KIF11: variants seen among roughly 807,000 people sequenced by gnomAD.
KIF11 encodes kinesin-like protein KIF11.
In KIF11, 9 loss-of-function variants were observed where a neutral mutation model predicts 121.0. The observed-to-expected ratio is 0.07, with a 90% CI of 0.04 to 0.13. The LOEUF (loss-of-function observed/expected upper bound fraction) is 0.13. KIF11 is among the 10% of genes least tolerant of loss of function. The pLI, the probability that KIF11 is intolerant of heterozygous loss-of-function variation, is 1.00. For missense variants in KIF11, 846 were observed against 1,217.5 expected, an observed-to-expected ratio of 0.69 and a Z score of 4.54; for synonymous variants, 408 against 421.0, an observed-to-expected ratio of 0.97 and a Z score of 0.38.
intron 1 of KIF11, among the ~76,000 whole-genome samples, chr10:92,601,795 C>G (rs1401412234): frequency 6.6e-6 from 1 of 151,524 alleles, no homozygotes; most frequent in East Asian, 1.9e-4. Flanking sequence ...TCTACTCTTA[C>G]CCTCCCATAG....
At position 92,606,731 on chromosome 10, in the gene KIF11, G is replaced by GT. The variant is rs1844434779; in HGVS notation, c.308+21dup. On this transcript the variant is annotated intron_variant, in intron 3 of 21. Coordinates refer to ENST00000260731, the MANE Select transcript of KIF11 (RefSeq NM_004523.4). ...ACTATCTTTGCGTAAGTAAAAGGGT[G>GT]TTTTTTCTGATTTATGAAAAAGCTT... 1 of 1,192,434 alleles carries GT rather than the reference G, an allele frequency of 8.4e-7. No individual in the cohort carries two copies. Among genetic ancestry groups the GT allele is most frequent in the Non-Finnish European group, 1.2e-6 (1 of 810,016 alleles). 73.9% of individuals were successfully genotyped at this position (1,192,434 alleles called of 1,614,324 possible).
Position 92,639,957 on chromosome 10 carries a change from G to C in KIF11, c.2267+57G>C. On this transcript the variant is annotated intron_variant, in intron 17 of 21. Coordinates refer to ENST00000260731, the MANE Select transcript of KIF11 (RefSeq NM_004523.4). ...CTGTAAGTCTGAAATTATTTAAGAA[G>C]AAAAAGCTTTAAATAGTACAAATAA... 4 of 931,036 alleles carry C rather than the reference G, an allele frequency of 4.3e-6. No homozygotes were observed. The South Asian group carries it at 5.8e-5, about 14-fold the overall frequency. 57.7% of individuals were successfully genotyped at this position (931,036 alleles called of 1,614,324 possible).
chr10:92,596,837 T>G (rs1257645471), intron 1 of KIF11: 1 of 167,902 alleles, frequency 6.0e-6, no homozygotes, highest in African/African-American at 2.4e-5. Context: ...TACCGTGTGG[T>G]CTTTTCCTTT....
In KIF11 at chr10:92,653,803, T is replaced by G; in HGVS notation, c.*7T>G. The G allele has an allele frequency of 6.3e-7, 1 of 1,598,460 alleles. No homozygotes were observed. ...AGCCCAGATCAACCTTTAATTCACT[T>G]GGGGGTTGGCAATTTTATTTTTAAA... On this transcript the variant is annotated 3_prime_UTR_variant, in exon 22 of 22. Coordinates refer to ENST00000260731, the MANE Select transcript of KIF11 (RefSeq NM_004523.4).
intron 9 of KIF11, among the ~76,000 whole-genome samples, chr10:92,617,674 G>A (rs988734789): frequency 6.6e-6 from 1 of 151,774 alleles, no homozygotes; most frequent in East Asian, 1.9e-4. Flanking sequence ...TGTTATGGTC[G>A]GTCTTTTTAA....
At chr10:92,624,184 G>T (rs1248212576) in intron 10 of KIF11, among the ~76,000 whole-genome samples, 1 of 150,634 alleles carries the variant, frequency 6.6e-6, no homozygotes, top group East Asian at 1.9e-4. Flanking sequence ...TAGGACAATG[G>T]CATCCAGCTC....
intron 2 of KIF11, 95 bp downstream of exon 2, chr10:92,606,492 A>G: frequency 4.8e-6 from 6 of 1,248,336 alleles, no homozygotes; most frequent in Admixed American, 2.6e-5. Flanking sequence ...TAGAAATTTC[A>G]GTTGTCTCTG....
chr10:92,600,891 C>T (rs546128262), intron 1 of KIF11, among the ~76,000 whole-genome samples: 1 of 152,018 alleles, frequency 6.6e-6, no homozygotes, highest in Admixed American at 6.6e-5. Flanking sequence ...GATGGAGTCT[C>T]GCTCTGTCGC....
intron 17 of KIF11, 139 bp downstream of exon 17, chr10:92,640,039 A>T: frequency 2.0e-6 from 1 of 494,746 alleles, no homozygotes; most frequent in South Asian, 2.8e-5. Flanking sequence ...GTATGTGTGT[A>T]TGTATATATA....
intron 13 of KIF11, 74 bp from the exon 14 acceptor site, chr10:92,633,546 ACTT>A (rs1844761294): frequency 9.4e-7 from 1 of 1,062,546 alleles, no homozygotes. Context: ...ACTTTTGTCA[ACTT>A]CTTTGAAATG....
chr10:92,647,033 G>A (rs1589607486), intron 18 of KIF11, among the ~76,000 whole-genome samples: 1 of 152,110 alleles, frequency 6.6e-6, no homozygotes, highest in East Asian at 1.9e-4. Flanking sequence ...TAATTAATAG[G>A]CTAACCATAC....
At chr10:92,593,983 T>C (rs1844263320) in intron 1 of KIF11, among the ~76,000 whole-genome samples, 3 of 152,308 alleles carry the variant, frequency 2.0e-5, no homozygotes, top group South Asian at 4.1e-4. Context: ...GTGCTGCAGT[T>C]TTCCCTTTCA....
In KIF11 at chr10:92,609,289, AGAGAGAGAGAGAGAGTGTGT is replaced by A. The variant is rs1315330874; in HGVS notation, c.573+86_574-75del. On this transcript the variant is annotated intron_variant, in intron 5 of 21. Coordinates refer to ENST00000260731, the MANE Select transcript of KIF11 (RefSeq NM_004523.4). ...GTCAGAGAGAGAGAGAGAGAGAGAG[AGAGAGAGAGAGAGAGTGTGT>A]GTGTGTGTGTGTGTGTGTGTGTGTG... The A allele has an allele frequency of 2.3e-5, 31 of 1,349,956 alleles. No individual in the cohort carries two copies. In the African/African-American group the frequency reaches 2.9e-4, roughly 13 times the overall value. The allele number at this position is 1,349,956 out of a possible 1,614,324, so 83.6% of individuals were successfully genotyped here.
chr10:92,640,275 C>T (rs892316397), intron 17 of KIF11, among the ~76,000 whole-genome samples: 1 of 152,256 alleles, frequency 6.6e-6, no homozygotes, highest in Non-Finnish European at 1.5e-5. Context: ...CAAATAATTT[C>T]ATTGGACACT....
intron 16 of KIF11, among the ~76,000 whole-genome samples, chr10:92,638,482 T>A (rs1844831307): frequency 1.3e-5 from 2 of 152,192 alleles, no homozygotes; most frequent in Non-Finnish European, 2.9e-5. Context: ...TGAGAACTTT[T>A]TAGGTGTATA....
In KIF11 at chr10:92,606,774, G is replaced by T. The variant is rs1589590527; in HGVS notation, c.308+58G>T. On this transcript the variant is annotated intron_variant, in intron 3 of 21. Transcript: ENST00000260731. The stretch of plus-strand genomic sequence containing the variant: ...AAAAGCTTAAATGCTTGTGTTTTTT[G>T]TTGTTGTTTGTTTGTTTTTTGAGAC... 11 of 916,008 alleles carry T rather than the reference G, an allele frequency of 1.2e-5. No individual in the cohort carries two copies. In the East Asian group the frequency reaches 2.7e-4, roughly 22 times the overall value. 56.7% of individuals were successfully genotyped at this position (916,008 alleles called of 1,614,324 possible).
chr10:92,625,247 T>C (rs1844661450), intron 10 of KIF11, among the ~76,000 whole-genome samples: 1 of 152,224 alleles, frequency 6.6e-6, no homozygotes, highest in Admixed American at 6.5e-5. Flanking sequence ...CATTGTGGTT[T>C]TGATTTGCAT....
chr10:92,606,602 T>C lies in KIF11; in HGVS notation c.211-17T>C. 6.8e-7 allele frequency: 1 copy of C among 1,460,794 alleles called. No individual in the cohort carries two copies. The highest frequency in any genetic ancestry group is 9.4e-7 in the Non-Finnish European group (1 of 1,068,332). The allele number at this position is 1,460,794 out of a possible 1,614,324, so 90.5% of individuals were successfully genotyped here. ...AATTTTGAGGTTGATTTTTTTTTTT[T>C]TAATTTTTTTCGTTAGGTGTTTGGA... is the stretch of plus-strand genomic sequence containing the variant. On this transcript the variant is annotated splice_polypyrimidine_tract_variant and intron_variant, in intron 2 of 21. Coordinates refer to ENST00000260731, the MANE Select transcript of KIF11 (RefSeq NM_004523.4).
At chr10:92,621,702 A>G (rs1349556088) in intron 10 of KIF11, among the ~76,000 whole-genome samples, 1 of 151,950 alleles carries the variant, frequency 6.6e-6, no homozygotes, top group Non-Finnish European at 1.5e-5. Flanking sequence ...CCTGGGCTCA[A>G]GCGATCCTCC....
Sources: allele counts gnomAD v4.1 joint callset (sites outside exome capture counted in the v4.1 genomes callset), GRCh38; gene constraint gnomAD v4.1.1; transcripts MANE v1.5; gene names NCBI Gene and HGNC (gene_info 2026-07-23, HGNC 2026-07-21).